The following ZNF611 variants were observed in gnomAD, a reference collection of about 807,000 sequenced individuals.
ZNF611 encodes zinc finger protein 611.
A neutral mutation model predicts 8.9 loss-of-function variants in ZNF611; 6 were observed. The observed-to-expected ratio is 0.68, with a 90% CI of 0.37 to 1.34. ZNF611 has a LOEUF of 1.34. ZNF611 is among the 40% of genes most tolerant of loss of function. The probability of loss-of-function intolerance (pLI) is 0.02; values close to 1 mark genes in which losing one functional copy is unlikely to be tolerated. For missense variants in ZNF611, 874 were observed against 841.3 expected, an observed-to-expected ratio of 1.04 and a Z score of -0.48; for synonymous variants, 262 against 279.7, an observed-to-expected ratio of 0.94 and a Z score of 0.63.
rs751448997 is a variant in ZNF611 at position 52,706,681 on chromosome 19, A to T, written c.374T>A (p.Leu125His). Reference protein sequence around the residue: ...FQCQEDERNGLEAPMTKIKKL... With the variant: ...FQCQEDERNGHEAPMTKIKKL... ...TTTTATTTTTGTCATGGGTGCTTCA[A>T]GGCCATTTCTTTCATCTTCTTGACA... Residue 125 changes from leucine (L) to histidine (H), a missense_variant, in exon 6 of 6, where the codon CTT (leucine) becomes CAT (histidine). By Grantham distance (99) the Leu-to-His change is moderately conservative. Coordinates refer to ENST00000652185, the MANE Select transcript of ZNF611 (RefSeq NM_001161499.2). The T allele has an allele frequency of 1.2e-5, 19 of 1,613,868 alleles. No individual in the cohort carries two copies. Among genetic ancestry groups the T allele is most frequent in the East Asian group, 6.7e-5 (3 of 44,888 alleles).
intron 3 of ZNF611, among the ~76,000 whole-genome samples, chr19:52,716,730 A>G (rs1229507473): frequency 6.6e-6 from 1 of 152,172 alleles, no homozygotes. Context: ...ACAGATGCAT[A>G]TCTGAGTGCC....
intron 4 of ZNF611, 115 bp from the exon 5 acceptor site, chr19:52,714,256 A>G: frequency 6.6e-7 from 1 of 1,521,270 alleles, no homozygotes. Context: ...TGTTCTGACA[A>G]AAGGATGTTA....
At chr19:52,723,851 T>C (rs545300920) in intron 3 of ZNF611, 2 of 152,240 alleles carry the variant, frequency 1.3e-5, no homozygotes, top group East Asian at 3.9e-4. Flanking sequence ...CATAAATAAG[T>C]TTAAGGAAAG....
chr19:52,720,200 C>G (rs1036694783), intron 3 of ZNF611, among the ~76,000 whole-genome samples: 1 of 152,246 alleles, frequency 6.6e-6, no homozygotes, highest in Non-Finnish European at 1.5e-5. Context: ...AATCTGATCT[C>G]TCTTGCTTTT....
rs555565414 is a variant in ZNF611 at position 52,705,986 on chromosome 19, G to T, written c.1069C>A (p.Gln357Lys). ...GTATGAATTCTATGATGTGAAAGTT[G>T]TGATTGTTGATTAAAAGCCTTGTCA... ...ECDKAFNQQS[Q>K]LSHHRIHTGE... Residue 357 changes from glutamine to lysine, a missense_variant, in exon 6 of 6, where the codon CAA becomes AAA. Transcript: ENST00000652185. The T allele has an allele frequency of 1.9e-5, 31 of 1,614,086 alleles. No homozygotes were observed. The Admixed American group carries it at 4.5e-4, about 23-fold the overall frequency.
rs1328439401 is a variant in ZNF611, at chr19:52,705,711, A to G, written c.1344T>C (p.His448=). The stretch of plus-strand genomic sequence containing the variant: ...TACATTTGTAAGATTTCTCTCCACC[A>G]TGAAGTCTATGATGGCATACAAGGG... ...KSSLVCHHRL[H]GGEKSYKCKV... is the part of the protein sequence containing the mutation. The change falls in exon 6 of 6, where the codon CAT becomes CAC. Residue 448 remains histidine (H), a synonymous_variant. Transcript: ENST00000652185. The G allele has an allele frequency of 6.2e-7, 1 of 1,614,056 alleles. No homozygotes were observed. The highest frequency in any genetic ancestry group is 8.5e-7 in the Non-Finnish European group (1 of 1,179,952).
chr19:52,732,027 T>C (rs966918982), intron 1 of ZNF611, among the ~76,000 whole-genome samples: 4 of 151,204 alleles, frequency 2.6e-5, no homozygotes, highest in Admixed American at 6.6e-5. Flanking sequence ...TCCCAGCACT[T>C]TGGGAGGCTG....
At position 52,732,364 on chromosome 19, in the gene ZNF611, TTATTCTGAATAACTCACAG is replaced by T. The variant is rs1432034439; in HGVS notation, c.-221-2378_-221-2360del. On this transcript the variant is annotated intron_variant, in intron 1 of 5. Transcript: ENST00000652185. Reference sequence around the variant, plus strand: ...ATTCTGAATAACTCACAGTATTGAGTTATTCTGAATAACTCACAGTATTGAGTTATTCTGAATAACTCAC... The same window carrying T: ...ATTCTGAATAACTCACAGTATTGAGTTATTGAGTTATTCTGAATAACTCAC... Among the ~76,000 whole-genome samples, 1,013 of 127,584 alleles carry T rather than the reference TTATTCTGAATAACTCACAG, an allele frequency of 7.9e-3. 13 individuals carry two copies. The highest frequency in any genetic ancestry group is 0.02 in the African/African-American group (637 of 32,514). The allele number at this position is 127,584 out of a possible 152,430, so 83.7% of individuals were successfully genotyped here.
intron 3 of ZNF611, among the ~76,000 whole-genome samples, chr19:52,719,679 C>T (rs780438178): frequency 1.1e-4 from 17 of 152,242 alleles, no homozygotes; most frequent in Non-Finnish European, 2.4e-4. Context: ...TTCTCACCTT[C>T]TCTCTCCATC....
chr19:52,711,489 T>G (rs1030394850), intron 5 of ZNF611, among the ~76,000 whole-genome samples: 7 of 152,132 alleles, frequency 4.6e-5, no homozygotes, highest in Non-Finnish European at 2.9e-5. Flanking sequence ...ATCCTGGGCA[T>G]GAAGGATCCC....
At chr19:52,734,544 G>GC (rs1018778938) in intron 1 of ZNF611, among the ~76,000 whole-genome samples, 1 of 54,120 alleles carries the variant, frequency 1.8e-5, no homozygotes, top group Non-Finnish European at 3.7e-5. Context: ...GGCGGGGGGG[G>GC]GGGGCGCGAC....
intron 3 of ZNF611, among the ~76,000 whole-genome samples, chr19:52,718,954 C>T (rs1181304279): frequency 6.6e-6 from 1 of 152,166 alleles, no homozygotes; most frequent in Non-Finnish European, 1.5e-5. Context: ...GGGTGGATCA[C>T]GGGGTCATGA....
chr19:52,729,963 C>T lies in ZNF611; in HGVS notation c.-179G>A, dbSNP rs939090169. The T allele has an allele frequency of 6.6e-6, 1 of 152,112 alleles. No individual in the cohort carries two copies. Among genetic ancestry groups the T allele is most frequent in the African/African-American group, 2.4e-5 (1 of 41,408 alleles). The allele number at this position is 152,112 out of a possible 1,614,324, so 9.4% of individuals were successfully genotyped here. On this transcript the variant is annotated 5_prime_UTR_variant, in exon 2 of 6. Transcript: ENST00000652185. ...TACAGCTGCATATCACCAGGCAATA[C>T]AGCAATTTTGTATATATGCATTGTC... is the stretch of plus-strand genomic sequence containing the variant.
chr19:52,731,212 G>A (rs1406684227), intron 1 of ZNF611, among the ~76,000 whole-genome samples: 5 of 152,070 alleles, frequency 3.3e-5, no homozygotes, highest in African/African-American at 4.8e-5. Context: ...AATTAGAGGC[G>A]TGTGCCACCA....
intron 1 of ZNF611, among the ~76,000 whole-genome samples, chr19:52,734,768 C>T (rs942249139): frequency 3.9e-5 from 6 of 151,948 alleles, no homozygotes; most frequent in Non-Finnish European, 5.9e-5. Context: ...AACTACGCAA[C>T]AGAAAGTGTA....
chr19:52,707,252 TA>T (rs59927537), intron 5 of ZNF611: 6,803 of 99,904 alleles, frequency 0.068, 183 homozygotes, highest in Non-Finnish European at 0.094. Context: ...AAATAAATGC[TA>T]AAAAAAAAAA....
chr19:52,721,969 C>T (rs2062363041), intron 3 of ZNF611, among the ~76,000 whole-genome samples: 1 of 152,150 alleles, frequency 6.6e-6, no homozygotes, highest in Admixed American at 6.5e-5. Flanking sequence ...AGAATCGCTT[C>T]AACCCTAAAG....
intron 3 of ZNF611, among the ~76,000 whole-genome samples, chr19:52,721,577 G>A (rs970637990): frequency 3.9e-5 from 6 of 152,150 alleles, no homozygotes; most frequent in African/African-American, 1.4e-4. Flanking sequence ...CACTCAGCAG[G>A]CTGAGGCAGG....
intron 3 of ZNF611, among the ~76,000 whole-genome samples, chr19:52,727,990 A>G (rs1600333860): frequency 6.7e-6 from 1 of 149,096 alleles, no homozygotes; most frequent in African/African-American, 2.5e-5. Context: ...GCTCACTGCA[A>G]CCTCTGCCTC....
Sources: gnomAD v4.1 joint callset for allele counts (sites outside exome capture counted in the v4.1 genomes callset) on GRCh38, gnomAD v4.1.1 for gene constraint, MANE v1.5 for transcripts, NCBI Gene and HGNC (gene_info 2026-07-23, HGNC 2026-07-21) for gene names.